Variants in MSMB observed in about 807,000 individuals in gnomAD.
The protein encoded by MSMB is beta-microseminoprotein.
MSMB carries 10 observed loss-of-function variants against 10.5 expected under a neutral mutation model. The observed-to-expected ratio is 0.95, with a 90% CI of 0.59 to 1.62. The LOEUF (loss-of-function observed/expected upper bound fraction) is 1.62, where lower values mean the gene tolerates loss of function less well. Ranked by LOEUF, MSMB falls within the 40% of genes most tolerant of loss-of-function variation. The pLI, the probability that MSMB is intolerant of heterozygous loss-of-function variation, is 0.00. For synonymous variants in MSMB, 43 were observed against 46.5 expected (o/e 0.93, Z 0.30); for missense variants, 126 against 137.4 (o/e 0.92, Z 0.42).
chr10:46,036,102 C>T (rs1330416409), intron 3 of MSMB, among the ~76,000 whole-genome samples: 2 of 152,138 alleles, frequency 1.3e-5, no homozygotes, highest in African/African-American at 2.4e-5. Flanking sequence ...TCTCCCACTC[C>T]CTTTTCCTCA....
intron 2 of MSMB, among the ~76,000 whole-genome samples, chr10:46,039,579 C>A (rs1179966618): frequency 6.6e-6 from 1 of 152,194 alleles, no homozygotes; most frequent in Non-Finnish European, 1.5e-5. Context: ...CTACTGTGTT[C>A]TTAGAAGGCT....
At chr10:46,044,287 T>G (rs1196798952) in intron 1 of MSMB, among the ~76,000 whole-genome samples, 1 of 151,842 alleles carries the variant, frequency 6.6e-6, no homozygotes, top group East Asian at 2.0e-4. Flanking sequence ...TTAGAAGTTG[T>G]GTCTCTTGGC....
chr10:46,042,865 T>G lies in MSMB; in HGVS notation c.4-2774A>C, dbSNP rs200695580. Among the ~76,000 whole-genome samples the G allele has an allele frequency of 5.9e-5, 9 of 152,322 alleles. No homozygotes were observed. In the East Asian group the frequency reaches 1.5e-3, roughly 26 times the overall value. ...ACAAGTCATCTTTGGATGGGGAGAT[T>G]ATGACAATTTTCTTCTTTGGACTTT... On this transcript the variant is annotated intron_variant, in intron 1 of 3. Coordinates refer to ENST00000582163, the MANE Select transcript of MSMB (RefSeq NM_002443.4).
chr10:46,035,836 A>G (rs1396390745), intron 3 of MSMB, among the ~76,000 whole-genome samples: 1 of 152,132 alleles, frequency 6.6e-6, no homozygotes, highest in Non-Finnish European at 1.5e-5. Flanking sequence ...TAAAAAAAAA[A>G]GGTTAAAAAT....
In MSMB at chr10:46,040,078, C is replaced by T; in HGVS notation, c.17G>A (p.Gly6Asp). MNVLL[G>D]SVVIFATFVT... ...GAAGGTGGCAAAGATCACAACGCTG[C>T]CCAGGAGAACATTCTGTAATGTGAA... The change falls in exon 2 of 4, where the codon GGC becomes GAC. Residue 6 changes from glycine (G) to aspartate (D), a missense_variant. Physicochemically the swap from Gly to Asp is moderately conservative, Grantham distance 94. Transcript: ENST00000582163. 1 of 1,613,466 alleles carries T rather than the reference C, an allele frequency of 6.2e-7. No individual in the cohort carries two copies. The highest frequency in any genetic ancestry group is 8.5e-7 in the Non-Finnish European group (1 of 1,179,514).
At chr10:46,036,546 T>C (rs1044712103) in intron 3 of MSMB, among the ~76,000 whole-genome samples, 1 of 152,152 alleles carries the variant, frequency 6.6e-6, no homozygotes, top group Non-Finnish European at 1.5e-5. Context: ...TTAAAGAATA[T>C]ATACACAGAA....
intron 2 of MSMB, among the ~76,000 whole-genome samples, chr10:46,039,419 A>G (rs1840692137): frequency 6.6e-6 from 1 of 152,202 alleles, no homozygotes; most frequent in African/African-American, 2.4e-5. Context: ...TCTCTGGATG[A>G]GAATCTCACT....
In MSMB at chr10:46,041,436, C is replaced by T. The variant is rs190620652; in HGVS notation, c.4-1345G>A. On this transcript the variant is annotated intron_variant, in intron 1 of 3. Transcript: ENST00000582163. ...GACAATGGGAATGAAGGCATTTATT[C>T]TGTAAGATTGCTAAAATTAATTATG... Among the ~76,000 whole-genome samples the T allele has an allele frequency of 1.9e-3, 280 of 151,168 alleles. 1 individual carries two copies. The highest frequency in any genetic ancestry group is 6.2e-3 in the African/African-American group (256 of 41,256).
At chr10:46,037,323 G>A (rs1212771005) in intron 3 of MSMB, among the ~76,000 whole-genome samples, 3 of 152,184 alleles carry the variant, frequency 2.0e-5, no homozygotes, top group African/African-American at 7.2e-5. Flanking sequence ...GATCAGACAA[G>A]TTTGCGAAAT....
Position 46,033,352 on chromosome 10 carries a change from A to C in MSMB, c.*70T>G. 6.4e-7 allele frequency: 1 copy of C among 1,564,924 alleles called. No individual in the cohort carries two copies. Among genetic ancestry groups the C allele is most frequent in the East Asian group, 2.3e-5 (1 of 44,226 alleles). On this transcript the variant is annotated 3_prime_UTR_variant, in exon 4 of 4. Transcript: ENST00000582163. Reference sequence around the variant, plus strand: ...TTTTTACTGATAGGCATGGCTACACAATCATTGACTATTAGAGGCCAGAGG... The same window carrying C: ...TTTTTACTGATAGGCATGGCTACACCATCATTGACTATTAGAGGCCAGAGG...
At chr10:46,038,761 G>A (rs144245507) in intron 3 of MSMB, among the ~76,000 whole-genome samples, 1 of 152,130 alleles carries the variant, frequency 6.6e-6, no homozygotes, top group Non-Finnish European at 1.5e-5. Context: ...CGGGGAGGTC[G>A]TGCATGTGTG....
At position 46,033,499 on chromosome 10, in the gene MSMB, T is replaced by G. The variant is rs782319552; in HGVS notation, c.268A>C (p.Lys90Gln). The G allele has an allele frequency of 6.2e-7, 1 of 1,613,896 alleles. No individual in the cohort carries two copies. Among genetic ancestry groups the G allele is most frequent in the Non-Finnish European group, 8.5e-7 (1 of 1,179,796 alleles). The change falls in exon 4 of 4, where the codon AAG becomes CAG. Residue 90 changes from lysine (K) to glutamine (Q), a missense_variant. Physicochemically the swap from Lys to Gln is moderately conservative, Grantham distance 53. Transcript: ENST00000582163. ...DKDNCQRIFK[K>Q]EDCKYIVVEK... ...ACCACGATATACTTGCAGTCCTCCT[T>G]CTTGAAGATTCTTTGGCAGTTGTCT...
chr10:46,043,435 G>GTCTC (rs149445497), intron 1 of MSMB, among the ~76,000 whole-genome samples: 1,578 of 124,448 alleles, frequency 0.013, 24 homozygotes, highest in African/African-American at 0.032. Flanking sequence ...CTCCCTTTCT[G>GTCTC]TCTCTCTCTC....
rs1840704317 is a variant in MSMB at position 46,039,986 on chromosome 10, T to G, written c.109A>C (p.Lys37Gln). The G allele has an allele frequency of 6.2e-7, 1 of 1,612,044 alleles. No individual in the cohort carries two copies. Among genetic ancestry groups the G allele is most frequent in the Non-Finnish European group, 8.5e-7 (1 of 1,178,166 alleles). Reference sequence around the variant, plus strand: ...TAAACATTGAAAAGCCAAGACTTACTCCTGGTTGAATCTCCTGGAACTCCC... The same window carrying G: ...TAAACATTGAAAAGCCAAGACTTACGCCTGGTTGAATCTCCTGGAACTCCC... The part of the protein sequence containing the change: ...NEGVPGDSTR[K>Q]CMDLKGNKHP... Residue 37 changes from lysine to glutamine, a missense_variant and splice_region_variant, in exon 2 of 4, where the codon AAA becomes CAA. Coordinates refer to ENST00000582163, the MANE Select transcript of MSMB (RefSeq NM_002443.4).
At chr10:46,040,512 G>C (rs1291120918) in intron 1 of MSMB, among the ~76,000 whole-genome samples, 1 of 152,196 alleles carries the variant, frequency 6.6e-6, no homozygotes, top group Non-Finnish European at 1.5e-5. Flanking sequence ...GAGAGTGAGA[G>C]GTAATAGCCA....
chr10:46,043,095 G>A (rs1462015460), intron 1 of MSMB, among the ~76,000 whole-genome samples: 3 of 152,100 alleles, frequency 2.0e-5, no homozygotes, highest in Admixed American at 2.0e-4. Context: ...CAAAAAGCCA[G>A]CCTTGTTGAC....
At chr10:46,036,698 G>A (rs1171184308) in intron 3 of MSMB, among the ~76,000 whole-genome samples, 1 of 152,200 alleles carries the variant, frequency 6.6e-6, no homozygotes, top group East Asian at 1.9e-4. Context: ...CCAACAGTGA[G>A]GTTCTTCCCT....
At chr10:46,045,797 G>A (rs534311431) in intron 1 of MSMB, among the ~76,000 whole-genome samples, 1 of 152,234 alleles carries the variant, frequency 6.6e-6, no homozygotes, top group East Asian at 1.9e-4. Flanking sequence ...AGGGAGAGAG[G>A]AATGCCTGGG....
chr10:46,040,953 CAA>C (rs555968994), intron 1 of MSMB, among the ~76,000 whole-genome samples: 2 of 117,232 alleles, frequency 1.7e-5, no homozygotes, highest in Non-Finnish European at 3.7e-5. Context: ...GACTCCGTCT[CAA>C]AAAAAAAAAA....
Sources: allele counts gnomAD v4.1 joint callset (sites outside exome capture counted in the v4.1 genomes callset), GRCh38; gene constraint gnomAD v4.1.1; transcripts MANE v1.5; gene names NCBI Gene and HGNC (gene_info 2026-07-23, HGNC 2026-07-21).